Variants in UCK2 observed in about 807,000 individuals in gnomAD.
UCK2 encodes the protein uridine-cytidine kinase 2.
A neutral mutation model predicts 30.8 loss-of-function variants in UCK2; 6 were observed. That is an observed-to-expected ratio of 0.19 (90% CI 0.11 to 0.38). UCK2 has a LOEUF of 0.38. UCK2 is among the 10% of genes least tolerant of loss of function. The pLI is 1.00. For synonymous variants in UCK2, 125 were observed against 133.6 expected, an observed-to-expected ratio of 0.94 and a Z score of 0.45; for missense variants, 210 against 339.8, an observed-to-expected ratio of 0.62 and a Z score of 3.00.
rs185608813 is a variant in UCK2, at chr1:165,861,364, C to T, written c.100-28840C>T. Reference sequence around the variant, plus strand: ...TAAAACTCGGCCGGGCGCGGTGGCTCACGCCTGTAATCCCAGCACTTTGGG... The same window carrying T: ...TAAAACTCGGCCGGGCGCGGTGGCTTACGCCTGTAATCCCAGCACTTTGGG... On this transcript the variant is annotated intron_variant, in intron 1 of 6. Transcript: ENST00000367879. Among the ~76,000 whole-genome samples, 1,384 of 152,142 alleles carry T rather than the reference C, an allele frequency of 9.1e-3. 9 individuals carry two copies. Among genetic ancestry groups the T allele is most frequent in the Middle Eastern group, 0.037 (11 of 294 alleles).
intron 3 of UCK2, among the ~76,000 whole-genome samples, chr1:165,895,076 C>T (rs182181812): frequency 7.9e-5 from 12 of 152,248 alleles, no homozygotes; most frequent in African/African-American, 2.6e-4. Context: ...TGTGACAGCC[C>T]GTCGCCTAAC....
At position 165,896,350 on chromosome 1, in the gene UCK2, C is replaced by T. The variant is rs376468654; in HGVS notation, c.499+18C>T. ...ACGCAGAGGTGCGTTCTAAAAGCCT[C>T]AGGTGGCCCTGTTGGTGGCCACCTT... On this transcript the variant is annotated intron_variant, in intron 4 of 6. Coordinates refer to ENST00000367879, the MANE Select transcript of UCK2 (RefSeq NM_012474.5). The T allele has an allele frequency of 4.5e-5, 73 of 1,613,290 alleles. No homozygotes were observed. The highest frequency in any genetic ancestry group is 6.2e-5 in the Non-Finnish European group (73 of 1,179,890).
chr1:165,871,874 G>T (rs548553441), intron 1 of UCK2, among the ~76,000 whole-genome samples: 18 of 152,266 alleles, frequency 1.2e-4, no homozygotes, highest in African/African-American at 4.3e-4. Flanking sequence ...GAATTTGTGA[G>T]GCAAATGAGA....
rs769648861 is a variant in UCK2, at chr1:165,907,827, G to A, written c.*4G>A. 1.1e-5 allele frequency: 18 copies of A among 1,613,590 alleles called. No homozygotes were observed. The highest frequency in any genetic ancestry group is 5.3e-5 in the African/African-American group (4 of 74,908). On this transcript the variant is annotated 3_prime_UTR_variant, in exon 7 of 7. Transcript: ENST00000367879. ...GTCCAGCAGCAGGCCGCATTGACCC[G>A]TCTCCATCGGACCCCAGCCCCTATC...
intron 4 of UCK2, among the ~76,000 whole-genome samples, chr1:165,897,211 G>A (rs1390949219): frequency 6.6e-6 from 1 of 152,054 alleles, no homozygotes; most frequent in East Asian, 1.9e-4. Flanking sequence ...TCTCTAGTCT[G>A]GTTCTCGGTG....
chr1:165,891,384 C>T, intron 3 of UCK2, 62 bp downstream of exon 3: 1 of 1,448,272 alleles, frequency 6.9e-7, no homozygotes, highest in Non-Finnish European at 9.7e-7. Flanking sequence ...CCCTGGTCTG[C>T]ACTGAGACCT....
intron 1 of UCK2, among the ~76,000 whole-genome samples, chr1:165,866,982 TGTG>T (rs1268965857): frequency 6.6e-6 from 1 of 152,202 alleles, no homozygotes; most frequent in Non-Finnish European, 1.5e-5. Context: ...TCGGAGATAT[TGTG>T]GTTTCAGTTG....
At chr1:165,858,877 G>C (rs1479137766) in intron 1 of UCK2, among the ~76,000 whole-genome samples, 1 of 152,182 alleles carries the variant, frequency 6.6e-6, no homozygotes, top group Non-Finnish European at 1.5e-5. Context: ...GACTGTGGGA[G>C]CGGGTCCTGT....
chr1:165,899,593 GA>G (rs1647386144), intron 4 of UCK2, among the ~76,000 whole-genome samples: 1 of 152,224 alleles, frequency 6.6e-6, no homozygotes, highest in African/African-American at 2.4e-5. Context: ...GGCTGACGTG[GA>G]AGCCCAGCAG....
At chr1:165,896,375 T>G in intron 4 of UCK2, 43 bp downstream of exon 4, 12 of 1,610,188 alleles carry the variant, frequency 7.5e-6, no homozygotes, top group Non-Finnish European at 1.0e-5. Flanking sequence ...GTGGCCACCT[T>G]GAGGGCGGGG....
At chr1:165,897,808 A>C (rs1357347183) in intron 4 of UCK2, among the ~76,000 whole-genome samples, 1 of 152,216 alleles carries the variant, frequency 6.6e-6, no homozygotes, top group East Asian at 1.9e-4. Context: ...TGGGAGCTAC[A>C]TCTTGCTCCC....
chr1:165,888,145 A>G (rs1655666528), intron 1 of UCK2, among the ~76,000 whole-genome samples: 2 of 152,176 alleles, frequency 1.3e-5, no homozygotes, highest in South Asian at 4.1e-4. Context: ...ACAACTTTAT[A>G]AGAATTGTAA....
At chr1:165,837,360 G>A (rs139647957) in intron 1 of UCK2, among the ~76,000 whole-genome samples, 36 of 152,272 alleles carry the variant, frequency 2.4e-4, no homozygotes, top group Middle Eastern at 3.4e-3. Context: ...AGTACTTCTT[G>A]AATCTGAACC....
chr1:165,907,386 G>T (rs1394266940), intron 6 of UCK2, among the ~76,000 whole-genome samples: 1 of 152,112 alleles, frequency 6.6e-6, no homozygotes, highest in Non-Finnish European at 1.5e-5. Context: ...ACTTTGGCCC[G>T]AGTGCTTCAT....
At chr1:165,888,642 CTTT>C (rs60874109) in intron 1 of UCK2, among the ~76,000 whole-genome samples, 995 of 71,052 alleles carry the variant, frequency 0.014, 2 homozygotes, top group Middle Eastern at 0.03. Context: ...CTTTCTTCTT[CTTT>C]TTTTTTTTTT....
At chr1:165,887,773 C>CA (rs1437496965) in intron 1 of UCK2, among the ~76,000 whole-genome samples, 2 of 151,156 alleles carry the variant, frequency 1.3e-5, no homozygotes, top group Non-Finnish European at 3.0e-5. Flanking sequence ...CTTTGATTTC[C>CA]CCCCCCACCC....
intron 1 of UCK2, among the ~76,000 whole-genome samples, chr1:165,830,893 G>A (rs934276308): frequency 2.0e-5 from 3 of 151,758 alleles, no homozygotes; most frequent in Non-Finnish European, 2.9e-5. Flanking sequence ...GTGGTGGGTC[G>A]AGAAAGTTAT....
In UCK2 at chr1:165,845,983, T is replaced by C. The variant is rs187250980; in HGVS notation, c.99+18051T>C. On this transcript the variant is annotated intron_variant, in intron 1 of 6. Coordinates refer to ENST00000367879, the MANE Select transcript of UCK2 (RefSeq NM_012474.5). ...TGCCCAGCATTCTGTGCGTTCTCAC[T>C]GGCTGTCATGCCCTGCAAAGAAAGT... Among the ~76,000 whole-genome samples, 13 of 152,272 alleles carry C rather than the reference T, an allele frequency of 8.5e-5. No homozygotes were observed. The East Asian group carries it at 2.5e-3, about 29-fold the overall frequency.
intron 1 of UCK2, among the ~76,000 whole-genome samples, chr1:165,834,905 G>T (rs552173112): frequency 7.2e-5 from 11 of 152,102 alleles, no homozygotes; most frequent in African/African-American, 2.7e-4. Flanking sequence ...TGCCTGGTAC[G>T]TACATGGCAG....
Sources: allele counts gnomAD v4.1 joint callset (sites outside exome capture counted in the v4.1 genomes callset), GRCh38; gene constraint gnomAD v4.1.1; transcripts MANE v1.5; gene names NCBI Gene and HGNC (gene_info 2026-07-23, HGNC 2026-07-21).